CXorf58: variants seen among roughly 807,000 people sequenced by gnomAD.
CXorf58 encodes uncharacterized protein CXorf58.
A neutral mutation model predicts 26.0 loss-of-function variants in CXorf58; 24 were observed. The ratio of observed to expected loss-of-function variants is 0.92; its 90% CI spans 0.67 to 1.30. The LOEUF (loss-of-function observed/expected upper bound fraction) is 1.30, where lower values mean the gene tolerates loss of function less well. Among genes scored for constraint, CXorf58 ranks in the 50% most tolerant of loss-of-function variants. The pLI is 0.00. For missense variants in CXorf58, 236 were observed against 263.9 expected (o/e 0.89, Z 0.73); for synonymous variants, 87 against 86.1 (o/e 1.01, Z -0.06).
chrX:23,927,416 C>T (rs1928042500), intron 6 of CXorf58, 46 bp downstream of exon 6: 1 of 899,377 alleles, frequency 1.1e-6, no homozygotes, highest in African/African-American at 2.0e-5. Flanking sequence ...AGCAAGTCTT[C>T]CTAACTCTGT....
Position 23,935,234 on chromosome X carries a change from C to T in CXorf58, c.594C>T (p.Gly198=), listed in dbSNP as rs143670292. ...SFFDEAPAFS[G]GRNNSWRKLN... ...TCGATGAGGCCCCTGCATTTTCTGG[C>T]GGCAGAAATAACAGCTGGCGCAAAT... is the stretch of plus-strand genomic sequence containing the variant. Residue 198 remains glycine, a synonymous_variant, in exon 7 of 9, where the codon GGC becomes GGT. Coordinates refer to ENST00000379211, the MANE Select transcript of CXorf58 (RefSeq NM_152761.3). The T allele has an allele frequency of 7.7e-5, 93 of 1,208,751 alleles. No homozygotes were observed. Among genetic ancestry groups the T allele is most frequent in the Middle Eastern group, 2.3e-4 (1 of 4,374 alleles).
At chrX:23,919,584 C>A (rs960957894) in intron 5 of CXorf58, among the ~76,000 whole-genome samples, 6 of 112,142 alleles carry the variant, frequency 5.4e-5, no homozygotes, top group Admixed American at 2.9e-4. Flanking sequence ...ATTTTGAATT[C>A]TCTATCTGAA....
At chrX:23,930,559 C>G (rs1928141001) in intron 6 of CXorf58, among the ~76,000 whole-genome samples, 1 of 104,382 alleles carries the variant, frequency 9.6e-6, no homozygotes, top group South Asian at 4.5e-4. Flanking sequence ...ATTGCTTTAG[C>G]CATGATTGCA....
At chrX:23,913,056 G>A (rs1310127016) in intron 3 of CXorf58, among the ~76,000 whole-genome samples, 1 of 110,210 alleles carries the variant, frequency 9.1e-6, no homozygotes, top group African/African-American at 3.3e-5. Flanking sequence ...AAAAAAAAAA[G>A]GTGCATATCC....
chrX:23,925,533 A>G (rs1927983744), intron 5 of CXorf58, among the ~76,000 whole-genome samples: 1 of 108,560 alleles, frequency 9.2e-6, no homozygotes, highest in African/African-American at 3.4e-5. Flanking sequence ...TTTTTAGTAG[A>G]AAAAGGGTTT....
chrX:23,922,703 G>A (rs1469552009), intron 5 of CXorf58, among the ~76,000 whole-genome samples: 6 of 112,579 alleles, frequency 5.3e-5, no homozygotes, highest in Non-Finnish European at 1.1e-4. Flanking sequence ...AAACAACCAT[G>A]CAGTTATGGT....
intron 6 of CXorf58, among the ~76,000 whole-genome samples, chrX:23,927,637 T>C (rs183353949): frequency 9.0e-6 from 1 of 111,157 alleles, no homozygotes; most frequent in African/African-American, 3.3e-5. Flanking sequence ...AGGTTTGTTA[T>C]TGTATATAGG....
At chrX:23,912,230 C>T (rs761660982) in intron 3 of CXorf58, among the ~76,000 whole-genome samples, 11 of 110,675 alleles carry the variant, frequency 9.9e-5, no homozygotes, top group South Asian at 3.9e-4. Context: ...GGATTACAGG[C>T]GTGAGCCACC....
At chrX:23,926,594 C>A (rs772433984) in intron 5 of CXorf58, among the ~76,000 whole-genome samples, 1 of 111,424 alleles carries the variant, frequency 9.0e-6, no homozygotes, top group Non-Finnish European at 1.9e-5. Flanking sequence ...ATTGACTGCA[C>A]GAATGATATT....
At chrX:23,936,360 G>A (rs112234156) in intron 7 of CXorf58, among the ~76,000 whole-genome samples, 8,259 of 111,799 alleles carry the variant, frequency 0.074, 649 homozygotes, top group African/African-American at 0.23. Flanking sequence ...CCCCTTGCCT[G>A]AGATAAATTG....
chrX:23,919,286 A>G (rs1927805601), intron 5 of CXorf58, among the ~76,000 whole-genome samples: 1 of 110,887 alleles, frequency 9.0e-6, no homozygotes, highest in South Asian at 3.7e-4. Context: ...GTCTGCTCTA[A>G]TTGTGTATTT....
In CXorf58 at chrX:23,917,648, C is replaced by T. The variant is rs887479713; in HGVS notation, c.423+1320C>T. Among the ~76,000 whole-genome samples the T allele has an allele frequency of 6.5e-4, 72 of 110,432 alleles. 1 individual carries two copies. The highest frequency in any genetic ancestry group is 2.3e-3 in the African/African-American group (69 of 30,436). On this transcript the variant is annotated intron_variant, in intron 5 of 8. Transcript: ENST00000379211. ...GGCCAGGCTGGTCTCGAACTCCTGA[C>T]CTCAGGTGATTCGCCCGCCTCGGCA...
At chrX:23,913,333 G>A (rs1467373402) in intron 3 of CXorf58, among the ~76,000 whole-genome samples, 2 of 108,195 alleles carry the variant, frequency 1.8e-5, no homozygotes, top group Non-Finnish European at 3.8e-5. Context: ...GGTGCGTGCC[G>A]CCATGCCCAG....
chrX:23,927,299 G>T lies in CXorf58; in HGVS notation c.484G>T (p.Asp162Tyr), dbSNP rs1928037723. 8.6e-7 allele frequency: 1 copy of T among 1,164,778 alleles called. No homozygotes were observed. The highest frequency in any genetic ancestry group is 1.2e-6 in the Non-Finnish European group (1 of 860,732). ...ERKFHRIIME[D>Y]ERIFPKSKVT... ...GAAATTTCACCGTATAATTATGGAA[G>T]ATGAACGTATTTTCCCGAAGTCCAA... is the stretch of plus-strand genomic sequence containing the variant. The change falls in exon 6 of 9, where the codon GAT (aspartate) becomes TAT (tyrosine). Residue 162 changes from aspartate to tyrosine, a missense_variant. Coordinates refer to ENST00000379211, the MANE Select transcript of CXorf58 (RefSeq NM_152761.3).
chrX:23,926,650 A>G (rs1040037476), intron 5 of CXorf58, among the ~76,000 whole-genome samples: 1 of 112,372 alleles, frequency 8.9e-6, no homozygotes, highest in African/African-American at 3.2e-5. Flanking sequence ...AAAGTCTTTT[A>G]AGGGGAAAAA....
intron 5 of CXorf58, among the ~76,000 whole-genome samples, chrX:23,926,548 G>A (rs1928015853): frequency 9.0e-6 from 1 of 111,669 alleles, no homozygotes; most frequent in Non-Finnish European, 1.9e-5. Context: ...CAGTTCCTAC[G>A]GTAACTCGTT....
chrX:23,924,014 C>G (rs923673330), intron 5 of CXorf58, among the ~76,000 whole-genome samples: 1 of 111,574 alleles, frequency 9.0e-6, no homozygotes, highest in South Asian at 3.7e-4. Context: ...TGCCGTCTGC[C>G]GAAATGGCAC....
chrX:23,914,422 A>G (rs887564258), intron 3 of CXorf58, among the ~76,000 whole-genome samples: 2 of 111,997 alleles, frequency 1.8e-5, no homozygotes, highest in African/African-American at 3.2e-5. Flanking sequence ...TGTGATTATC[A>G]TAGGCATAAC....
At chrX:23,908,002 CTG>C (rs1181376464), upstream of CXorf58, 4 of 275,725 alleles carry the variant, frequency 1.5e-5, no homozygotes, top group African/African-American at 1.1e-4. Flanking sequence ...AGCGCCGGCT[CTG>C]TGTGGACGGT....
Sources: gnomAD v4.1 joint callset for allele counts (sites outside exome capture counted in the v4.1 genomes callset) on GRCh38, gnomAD v4.1.1 for gene constraint, MANE v1.5 for transcripts, NCBI Gene and HGNC (gene_info 2026-07-23, HGNC 2026-07-21) for gene names.